The following SH3YL1 variants were observed in gnomAD, a reference collection of about 807,000 sequenced individuals.
The protein encoded by SH3YL1 is SH3 and SYLF domain containing 1.
SH3YL1 carries 41 observed loss-of-function variants against 45.8 expected under a neutral mutation model. The observed-to-expected ratio is 0.89, with a 90% CI of 0.70 to 1.16. The LOEUF (loss-of-function observed/expected upper bound fraction) is 1.16, where lower values mean the gene tolerates loss of function less well. SH3YL1 is among the 50% of genes most tolerant of loss of function. The probability of loss-of-function intolerance (pLI) is 0.00; values close to 1 mark genes in which losing one functional copy is unlikely to be tolerated. For synonymous variants in SH3YL1, 152 were observed against 151.4 expected (o/e 1.00, Z -0.03); for missense variants, 389 against 409.6 (o/e 0.95, Z 0.43).
At chr2:252,383 G>A (rs2103050935) in intron 2 of SH3YL1, among the ~76,000 whole-genome samples, 1 of 152,352 alleles carries the variant, frequency 6.6e-6, no homozygotes, top group South Asian at 2.1e-4. Flanking sequence ...GCAAAGGACA[G>A]GCGAGGCTGC....
intron 2 of SH3YL1, among the ~76,000 whole-genome samples, chr2:251,571 T>C (rs1332949057): frequency 2.0e-5 from 3 of 152,188 alleles, no homozygotes; most frequent in Non-Finnish European, 4.4e-5. Context: ...AAATCTAGTT[T>C]TTCTTGTTGA....
At chr2:250,798 C>T (rs1669038339) in intron 2 of SH3YL1, among the ~76,000 whole-genome samples, 1 of 152,134 alleles carries the variant, frequency 6.6e-6, no homozygotes, top group Non-Finnish European at 1.5e-5. Flanking sequence ...ATAATTCATC[C>T]AACACCATGA....
At chr2:263,896 G>C in intron 1 of SH3YL1, 88 bp downstream of exon 1, 1 of 1,164,538 alleles carries the variant, frequency 8.6e-7, no homozygotes. Context: ...CAGAGGCATC[G>C]CCGGTTTTCC....
chr2:249,745 C>T lies in SH3YL1; in HGVS notation c.212G>A (p.Arg71His), dbSNP rs754483612. The change falls in exon 3 of 10, where the codon CGC becomes CAC. Residue 71 changes from arginine to histidine, a missense_variant. Transcript: ENST00000356150. ...CGCCAACTTACTTCCATCTGGAAGG[C>T]GCGCCACTACAATCCCGCTGCCTCC... is the stretch of plus-strand genomic sequence containing the variant. ...ARGGSGIVVA[R>H]LPDGKWSAPS... The T allele has an allele frequency of 3.8e-5, 59 of 1,551,364 alleles. No individual in the cohort carries two copies. Among genetic ancestry groups the T allele is most frequent in the South Asian group, 3.2e-4 (27 of 84,062 alleles).
At chr2:250,884 T>C (rs769533835) in intron 2 of SH3YL1, among the ~76,000 whole-genome samples, 9 of 152,250 alleles carry the variant, frequency 5.9e-5, no homozygotes, top group Non-Finnish European at 1.3e-4. Flanking sequence ...CCTGGATGGC[T>C]GTCTACTAAG....
chr2:224,125 A>G (rs1258543959), intron 9 of SH3YL1, among the ~76,000 whole-genome samples: 1 of 152,230 alleles, frequency 6.6e-6, no homozygotes, highest in Non-Finnish European at 1.5e-5. Context: ...TCCAATGACG[A>G]AAGTATTCAA....
At chr2:251,613 A>C (rs145831894) in intron 2 of SH3YL1, among the ~76,000 whole-genome samples, 74 of 152,242 alleles carry the variant, frequency 4.9e-4, no homozygotes, top group African/African-American at 1.7e-3. Context: ...AGCGCTTCTG[A>C]AACTAGTGTG....
At chr2:226,269 G>A (rs1667780062) in intron 8 of SH3YL1, among the ~76,000 whole-genome samples, 2 of 152,098 alleles carry the variant, frequency 1.3e-5, no homozygotes, top group African/African-American at 4.8e-5. Flanking sequence ...AAGAAAAATG[G>A]TAAGTGTAGA....
chr2:233,431 A>G (rs1203834171), intron 5 of SH3YL1, among the ~76,000 whole-genome samples: 5 of 152,234 alleles, frequency 3.3e-5, no homozygotes, highest in Non-Finnish European at 7.3e-5. Context: ...AAGAACATAC[A>G]TGAAATTATT....
intron 1 of SH3YL1, among the ~76,000 whole-genome samples, chr2:255,042 A>C (rs1424384197): frequency 6.6e-6 from 1 of 152,206 alleles, no homozygotes; most frequent in African/African-American, 2.4e-5. Context: ...AAAATTTATA[A>C]AACCAAACTA....
chr2:222,304 T>C (rs373931173), intron 9 of SH3YL1: 88 of 152,342 alleles, frequency 5.8e-4, no homozygotes, highest in African/African-American at 2.1e-3. Flanking sequence ...GGTCTGTGGA[T>C]GTCCCTGTTT....
intron 9 of SH3YL1, chr2:222,395 A>G (rs1459587837): frequency 6.6e-6 from 1 of 152,350 alleles, no homozygotes; most frequent in African/African-American, 2.4e-5. Flanking sequence ...TGTTTCAGGA[A>G]AAAAATCACA....
chr2:224,760 C>A (rs1274893676), intron 9 of SH3YL1, 104 bp downstream of exon 9: 2 of 845,226 alleles, frequency 2.4e-6, no homozygotes, highest in African/African-American at 1.7e-5. Flanking sequence ...AATTAAAGGG[C>A]TGAACACTTC....
intron 1 of SH3YL1, among the ~76,000 whole-genome samples, chr2:254,261 TAC>T (rs773037997): frequency 6.6e-6 from 1 of 152,242 alleles, no homozygotes; most frequent in Non-Finnish European, 1.5e-5. Flanking sequence ...ACTTTACGTT[TAC>T]AGTGTTGCCT....
intron 4 of SH3YL1, among the ~76,000 whole-genome samples, chr2:235,354 GGCAGCATGGGCCAGGGGAGGCA>G (rs1558239654): frequency 2.9e-4 from 43 of 148,660 alleles, no homozygotes; most frequent in African/African-American, 9.9e-4. Flanking sequence ...GGTCAGGGGA[GGCAGCATGGGCCAGGGGAGGCA>G]GCAGCATGGG....
At chr2:262,821 G>A (rs1192153438) in intron 1 of SH3YL1, 1 of 725,846 alleles carries the variant, frequency 1.4e-6, no homozygotes, top group Non-Finnish European at 1.9e-6. Context: ...CACTTTTGAT[G>A]AGCAAACATT....
At chr2:262,455 C>A in intron 1 of SH3YL1, 1 of 510,216 alleles carries the variant, frequency 2.0e-6, no homozygotes, top group Non-Finnish European at 3.1e-6. Context: ...TTTATTCCTG[C>A]CCTTCCTCTT....
intron 5 of SH3YL1, among the ~76,000 whole-genome samples, chr2:233,742 T>C (rs1668161775): frequency 6.6e-6 from 1 of 152,144 alleles, no homozygotes; most frequent in Non-Finnish European, 1.5e-5. Flanking sequence ...AGAAGAAAAA[T>C]ACACTTTAAG....
At chr2:254,764 A>C (rs1250478829) in intron 1 of SH3YL1, among the ~76,000 whole-genome samples, 1 of 152,174 alleles carries the variant, frequency 6.6e-6, no homozygotes, top group Non-Finnish European at 1.5e-5. Flanking sequence ...TTCCCTGTGG[A>C]CAACAGATGG....
Sources: allele counts gnomAD v4.1 joint callset (sites outside exome capture counted in the v4.1 genomes callset), GRCh38; gene constraint gnomAD v4.1.1; transcripts MANE v1.5; gene names NCBI Gene and HGNC (gene_info 2026-07-23, HGNC 2026-07-21).